Variants in SLC25A14 observed in about 807,000 individuals in gnomAD.
SLC25A14 encodes the protein solute carrier family 25 member 14.
A neutral mutation model predicts 28.1 loss-of-function variants in SLC25A14; 8 were observed. The ratio of observed to expected loss-of-function variants is 0.28; its 90% CI spans 0.17 to 0.51. The LOEUF is 0.51. SLC25A14 is among the 20% of genes least tolerant of loss of function. SLC25A14 has a pLI of 0.97. For synonymous variants in SLC25A14, 74 were observed against 90.6 expected, an observed-to-expected ratio of 0.82 and a Z score of 1.04; for missense variants, 135 against 263.8, an observed-to-expected ratio of 0.51 and a Z score of 3.38.
chrX:130,353,627 C>T (rs1419121741), intron 6 of SLC25A14, among the ~76,000 whole-genome samples: 3 of 111,867 alleles, frequency 2.7e-5, no homozygotes, highest in Admixed American at 9.5e-5. Flanking sequence ...TCCTCTTTAC[C>T]GGTTATCTTC....
In SLC25A14 at chrX:130,364,622, T is replaced by C; in HGVS notation, c.595-6T>C. 1 of 1,199,748 alleles carries C rather than the reference T, an allele frequency of 8.3e-7. No individual in the cohort carries two copies. The highest frequency in any genetic ancestry group is 3.0e-5 in the East Asian group (1 of 33,557). On this transcript the variant is annotated splice_region_variant and splice_polypyrimidine_tract_variant and intron_variant, in intron 7 of 10. Transcript: ENST00000545805. Reference sequence around the variant, plus strand: ...CTTGGTGCCTAATGTCACTTGTGTTTCGTAGGGTGTGGTTCCAACTGCTCA... The same window carrying C: ...CTTGGTGCCTAATGTCACTTGTGTTCCGTAGGGTGTGGTTCCAACTGCTCA...
At position 130,373,031 on chromosome X, in the gene SLC25A14, A is replaced by G; in HGVS notation, c.*81A>G. ...TCCCGTGTTCTAATGTATTTTGACA[A>G]TGTTGTAAGTGTTTACCAAGCCGTT... On this transcript the variant is annotated 3_prime_UTR_variant, in exon 11 of 11. Coordinates refer to ENST00000545805, the MANE Select transcript of SLC25A14 (RefSeq NM_001282195.2). 2.6e-6 allele frequency: 2 copies of G among 781,807 alleles called. No individual in the cohort carries two copies. Among genetic ancestry groups the G allele is most frequent in the East Asian group, 3.4e-5 (1 of 29,813 alleles). 64.4% of individuals were successfully genotyped at this position (781,807 alleles called of 1,213,427 possible). A position where few individuals can be genotyped will look rare whatever the true frequency, so the allele number is the denominator to read the frequency against.
chrX:130,355,454 C>T (rs891780379), intron 6 of SLC25A14, among the ~76,000 whole-genome samples: 3 of 111,944 alleles, frequency 2.7e-5, no homozygotes, highest in East Asian at 2.8e-4. Flanking sequence ...GTACACATCA[C>T]GGAGGTAGCT....
intron 6 of SLC25A14, among the ~76,000 whole-genome samples, chrX:130,354,324 A>G (rs371085363): frequency 0.01 from 1,124 of 110,994 alleles, 16 homozygotes; most frequent in African/African-American, 0.034. Context: ...CGTGTTAGCC[A>G]GGATGGTGTC....
At chrX:130,351,442 G>A (rs1301197793) in intron 6 of SLC25A14, among the ~76,000 whole-genome samples, 2 of 111,470 alleles carry the variant, frequency 1.8e-5, no homozygotes, top group African/African-American at 6.5e-5. Flanking sequence ...TAGGTTGGTG[G>A]TGCTGACTTG....
At chrX:130,358,981 G>C in intron 7 of SLC25A14, 5 of 998,681 alleles carry the variant, frequency 5.0e-6, no homozygotes, top group Non-Finnish European at 6.7e-6. Context: ...TATTCACAGT[G>C]AATGTAGTTG....
chrX:130,350,036 A>G (rs752248171), intron 5 of SLC25A14, among the ~76,000 whole-genome samples: 1 of 111,356 alleles, frequency 9.0e-6, no homozygotes, highest in African/African-American at 3.3e-5. Flanking sequence ...TCATGGTGTG[A>G]AGGAGCGGTA....
intron 7 of SLC25A14, among the ~76,000 whole-genome samples, chrX:130,360,445 A>G (rs5975185): frequency 0.071 from 7,910 of 110,927 alleles, 691 homozygotes; most frequent in African/African-American, 0.24. Context: ...ATTTGGTAAG[A>G]TGACGTCCAC....
At position 130,358,751 on chromosome X, in the gene SLC25A14, C is replaced by T. The variant is rs1209886783; in HGVS notation, c.594+16C>T. 1.9e-6 allele frequency: 2 copies of T among 1,043,959 alleles called. No homozygotes were observed. Among genetic ancestry groups the T allele is most frequent in the Non-Finnish European group, 2.7e-6 (2 of 749,174 alleles). 86.0% of individuals were successfully genotyped at this position (1,043,959 alleles called of 1,213,427 possible). ...TCTGTGGAGGGTAAGTACTCTTTTC[C>T]TGCTATTATCCTACACTCTCAGTTC... On this transcript the variant is annotated intron_variant, in intron 7 of 10. Transcript: ENST00000545805.
chrX:130,370,124 G>A (rs769483712), intron 9 of SLC25A14, among the ~76,000 whole-genome samples: 1 of 111,236 alleles, frequency 9.0e-6, no homozygotes, highest in Admixed American at 9.6e-5. Flanking sequence ...CATCAGTTTT[G>A]GTCTCAGACC....
At chrX:130,364,995 T>C (rs2034079317) in intron 8 of SLC25A14, 1 of 875,825 alleles carries the variant, frequency 1.1e-6, no homozygotes, top group Admixed American at 5.6e-5. Flanking sequence ...GTCTATTTGA[T>C]TTACATTTAT....
chrX:130,340,991 C>CACAAACCTAGGG (rs1429069926), intron 2 of SLC25A14, among the ~76,000 whole-genome samples: 1 of 111,265 alleles, frequency 9.0e-6, no homozygotes, highest in Admixed American at 9.6e-5. Flanking sequence ...AGTTAGGTTC[C>CACAAACCTAGGG]TTTCTTCTTG....
chrX:130,367,926 G>A (rs1370142730), intron 9 of SLC25A14, among the ~76,000 whole-genome samples: 1 of 112,126 alleles, frequency 8.9e-6, no homozygotes, highest in African/African-American at 3.2e-5. Flanking sequence ...GGGATTACAG[G>A]TGCCCGCCAC....
chrX:130,343,502 A>G (rs745401624), intron 2 of SLC25A14, among the ~76,000 whole-genome samples: 20 of 112,124 alleles, frequency 1.8e-4, no homozygotes, highest in African/African-American at 6.1e-4. Context: ...TATATGTGCT[A>G]TGCTTGAAAG....
In SLC25A14 at chrX:130,354,053, T is replaced by C. The variant is rs148536706; in HGVS notation, c.498+3322T>C. On this transcript the variant is annotated intron_variant, in intron 6 of 10. Coordinates refer to ENST00000545805, the MANE Select transcript of SLC25A14 (RefSeq NM_001282195.2). ...TCCCACCCAAGGTTCCATCTTTAGC[T>C]CTTTTCTCCTCTTCAGTCTCTCCTT... 2.3e-3 allele frequency among the ~76,000 whole-genome samples: 258 copies of C among 110,749 alleles called. 3 individuals are homozygous for C. The highest frequency in any genetic ancestry group is 7.8e-3 in the African/African-American group (238 of 30,643).
At chrX:130,359,352 C>CAAAA (rs55826694) in intron 7 of SLC25A14, among the ~76,000 whole-genome samples, 4 of 26,200 alleles carry the variant, frequency 1.5e-4, no homozygotes, top group African/African-American at 2.6e-4. Flanking sequence ...GACTCTGTCT[C>CAAAA]AAAAAAAAAA....
In SLC25A14 at chrX:130,358,708, A is replaced by G. The variant is rs1239594796; in HGVS notation, c.567A>G (p.Gln189=). The change falls in exon 7 of 11, where the codon CAA becomes CAG. Residue 189 remains glutamine (Q), a synonymous_variant. Transcript: ENST00000545805. ...SMIGSFIDIY[Q]QEGTRGLWRG... ...TTGGAAGCTTTATCGATATATACCA[A>G]CAAGAAGGCACCAGGGGTCTGTGGA... The G allele has an allele frequency of 3.4e-6, 4 of 1,190,342 alleles. No homozygotes were observed. In the Admixed American group the frequency reaches 8.8e-5, roughly 26 times the overall value.
intron 4 of SLC25A14, among the ~76,000 whole-genome samples, chrX:130,348,076 C>T (rs781204664): frequency 9.0e-6 from 1 of 111,353 alleles, no homozygotes; most frequent in Middle Eastern, 4.6e-3. Flanking sequence ...TATAAACAAT[C>T]GGAATTTATT....
intron 7 of SLC25A14, among the ~76,000 whole-genome samples, chrX:130,359,339 C>T (rs1396652452): frequency 1.3e-5 from 1 of 76,940 alleles, no homozygotes; most frequent in South Asian, 6.9e-4. Context: ...GGTGACAGGG[C>T]GAGACTCTGT....
Sources: gnomAD v4.1 joint callset for allele counts (sites outside exome capture counted in the v4.1 genomes callset) on GRCh38, gnomAD v4.1.1 for gene constraint, MANE v1.5 for transcripts, NCBI Gene and HGNC (gene_info 2026-07-23, HGNC 2026-07-21) for gene names.